Variants in ATG4B observed in about 807,000 individuals in gnomAD.
ATG4B encodes cysteine protease ATG4B.
Under a neutral mutation model 56.6 loss-of-function variants are expected in ATG4B, and 29 were observed. The ratio of observed to expected loss-of-function variants is 0.51; its 90% CI spans 0.38 to 0.70. The LOEUF is 0.70. Among genes scored for constraint, ATG4B ranks in the 30% least tolerant of loss-of-function variants. ATG4B has a pLI of 0.00. For synonymous variants in ATG4B, 224 were observed against 206.1 expected, an observed-to-expected ratio of 1.09 and a Z score of -0.74; for missense variants, 461 against 515.5, an observed-to-expected ratio of 0.89 and a Z score of 1.02.
chr2:241,641,266 G>A (rs2067877997), intron 1 of ATG4B, among the ~76,000 whole-genome samples: 1 of 152,228 alleles, frequency 6.6e-6, no homozygotes, highest in African/African-American at 2.4e-5. Flanking sequence ...CTCAGATGGA[G>A]GGGGGCGGGC....
intron 12 of ATG4B, 133 bp from the exon 13 acceptor site, chr2:241,672,058 A>C: frequency 6.9e-7 from 1 of 1,447,000 alleles, no homozygotes. Context: ...GGACCTGTTC[A>C]CACCCGCATG....
intron 12 of ATG4B, 175 bp from the exon 13 acceptor site, chr2:241,672,016 T>TC: frequency 7.1e-7 from 1 of 1,403,630 alleles, no homozygotes; most frequent in South Asian, 1.6e-5. Flanking sequence ...CTCTGCTCCC[T>TC]CCCCCCATAT....
At chr2:241,655,422 G>GAA in intron 6 of ATG4B, 79 bp downstream of exon 6, 1 of 1,423,846 alleles carries the variant, frequency 7.0e-7, no homozygotes, top group Non-Finnish European at 9.7e-7. Context: ...GAGTCTTCAT[G>GAA]GCTACAGGAA....
chr2:241,665,500 C>T (rs1416281618), intron 7 of ATG4B, among the ~76,000 whole-genome samples: 1 of 152,200 alleles, frequency 6.6e-6, no homozygotes, highest in Non-Finnish European at 1.5e-5. Flanking sequence ...GTGGTTGTTG[C>T]TGCTTTGTGG....
chr2:241,654,543 T>C lies in ATG4B; in HGVS notation c.284-3T>C. ...AGCTGACCTGTAATTTTTTTTCCAA[T>C]AGATTGGAGGTGGACACAAAGGAAG... On this transcript the variant is annotated splice_region_variant and splice_polypyrimidine_tract_variant and intron_variant, in intron 4 of 12. Coordinates refer to ENST00000404914, the MANE Select transcript of ATG4B (RefSeq NM_013325.5). 10 of 1,583,944 alleles carry C rather than the reference T, an allele frequency of 6.3e-6. No homozygotes were observed. Among genetic ancestry groups the C allele is most frequent in the Non-Finnish European group, 7.7e-6 (9 of 1,164,898 alleles).
At chr2:241,654,697 G>T in intron 5 of ATG4B, 50 bp downstream of exon 5, 1 of 1,482,338 alleles carries the variant, frequency 6.7e-7, no homozygotes, top group South Asian at 1.2e-5. Flanking sequence ...TCTGGAGAGG[G>T]TGGAGTGGTC....
chr2:241,668,797 A>T lies in ATG4B; in HGVS notation c.957+112A>T. 6.9e-7 allele frequency: 1 copy of T among 1,441,654 alleles called. No homozygotes were observed. Among genetic ancestry groups the T allele is most frequent in the Non-Finnish European group, 9.3e-7 (1 of 1,079,244 alleles). The allele number at this position is 1,441,654 out of a possible 1,614,324, so 89.3% of individuals were successfully genotyped here. On this transcript the variant is annotated intron_variant, in intron 10 of 12. Transcript: ENST00000404914. This position sits in a 1 kb window ranked among gnomAD's most constrained non-coding sequence, Gnocchi z 4.2. ...TTTTTTTCAGCATGTTGGGATAAGT[A>T]CTGTGTTCACGTGGTTGGGAATCTG...
At chr2:241,649,344 G>A (rs2068161056) in intron 1 of ATG4B, among the ~76,000 whole-genome samples, 1 of 152,244 alleles carries the variant, frequency 6.6e-6, no homozygotes, top group Admixed American at 6.5e-5. Flanking sequence ...GAGGCTTCAC[G>A]TGATTTGTGT....
chr2:241,653,490 C>T lies in ATG4B; in HGVS notation c.185-22C>T, dbSNP rs961904351. The T allele has an allele frequency of 1.0e-5, 16 of 1,561,650 alleles. No homozygotes were observed. The African/African-American group carries it at 1.5e-4, about 15-fold the overall frequency. ...TGGGGCCATCTGGCCATGAGCACTT[C>T]TCTCTCTGTCTGCCACGACAGGGGG... On this transcript the variant is annotated intron_variant, in intron 3 of 12. Transcript: ENST00000404914.
Position 241,655,308 on chromosome 2 carries a change from G to C in ATG4B, c.423G>C (p.Gln141His). The C allele has an allele frequency of 3.7e-6, 6 of 1,612,172 alleles. No homozygotes were observed. The highest frequency in any genetic ancestry group is 4.2e-6 in the Non-Finnish European group (5 of 1,179,128). Residue 141 changes from glutamine (Q) to histidine (H), a missense_variant, in exon 6 of 13, where the codon CAG becomes CAC. By Grantham distance (24) the Gln-to-His change is conservative. Coordinates refer to ENST00000404914, the MANE Select transcript of ATG4B (RefSeq NM_013325.5). ...TTGGCGAAGGCAAGTCCATAGGCCA[G>C]TGGTACGGGCCCAACACTGTCGCCC... ...MGVGEGKSIG[Q>H]WYGPNTVAQV...
chr2:241,673,158 G>A lies in ATG4B; in HGVS notation c.*894G>A, dbSNP rs1443909401. Reference sequence around the variant, plus strand: ...GAGAATTGCCCTCCCATGCCGCTGAGGTGTTAGGTGGTTTAGGGCCAAAAG... The same window carrying A: ...GAGAATTGCCCTCCCATGCCGCTGAAGTGTTAGGTGGTTTAGGGCCAAAAG... On this transcript the variant is annotated 3_prime_UTR_variant, in exon 13 of 13. Coordinates refer to ENST00000404914, the MANE Select transcript of ATG4B (RefSeq NM_013325.5). 1 of 204,936 alleles carries A rather than the reference G, an allele frequency of 4.9e-6. No homozygotes were observed. 12.7% of individuals were successfully genotyped at this position (204,936 alleles called of 1,614,324 possible). A position where few individuals can be genotyped will look rare whatever the true frequency, so the allele number is the denominator to read the frequency against.
intron 10 of ATG4B, among the ~76,000 whole-genome samples, chr2:241,669,011 A>G (rs1365006154): frequency 6.6e-6 from 1 of 150,588 alleles, no homozygotes; most frequent in Non-Finnish European, 1.5e-5. Flanking sequence ...TCACACCTAC[A>G]TTTAAACACA....
intron 1 of ATG4B, among the ~76,000 whole-genome samples, chr2:241,641,265 A>G (rs535131340): frequency 1.3e-5 from 2 of 152,244 alleles, no homozygotes; most frequent in East Asian, 3.9e-4. Flanking sequence ...ACTCAGATGG[A>G]GGGGGGCGGG....
intron 10 of ATG4B, among the ~76,000 whole-genome samples, chr2:241,669,415 C>T (rs2125148569): frequency 6.6e-6 from 1 of 152,358 alleles, no homozygotes; most frequent in South Asian, 2.1e-4. Flanking sequence ...AGCTGTGGCG[C>T]AGCCCCAGAG....
At chr2:241,640,480 A>G (rs2067849697) in intron 1 of ATG4B, among the ~76,000 whole-genome samples, 1 of 152,242 alleles carries the variant, frequency 6.6e-6, no homozygotes, top group Non-Finnish European at 1.5e-5. Flanking sequence ...CATTAATTCA[A>G]TACACTGTTT....
intron 1 of ATG4B, among the ~76,000 whole-genome samples, chr2:241,639,562 A>G (rs1352996315): frequency 1.3e-5 from 2 of 152,156 alleles, no homozygotes; most frequent in Non-Finnish European, 2.9e-5. Flanking sequence ...AAGAAGAATG[A>G]GACTACACTT....
chr2:241,639,583 A>G (rs560067993), intron 1 of ATG4B, among the ~76,000 whole-genome samples: 2 of 152,300 alleles, frequency 1.3e-5, no homozygotes, highest in East Asian at 3.9e-4. Flanking sequence ...AACACTGACA[A>G]TCGAAGGGTG....
Position 241,672,292 on chromosome 2 carries a change from TGAGA to T in ATG4B, c.*30_*33del, listed in dbSNP as rs1308332688. Reference sequence around the variant, plus strand: ...ATCCTGGGGTCGGGGGTGGCACCTGTGAGAGCCTGGGGCTCCTGGTGCCGCTGCG... The same window carrying T: ...ATCCTGGGGTCGGGGGTGGCACCTGTGCCTGGGGCTCCTGGTGCCGCTGCG... On this transcript the variant is annotated 3_prime_UTR_variant, in exon 13 of 13. Transcript: ENST00000404914. 1.9e-6 allele frequency: 3 copies of T among 1,539,062 alleles called. No individual in the cohort carries two copies. In the Admixed American group the frequency reaches 5.8e-5, roughly 30 times the overall value.
rs150425346 is a variant in ATG4B, at chr2:241,659,530, C to T, written c.538+343C>T. 2.6e-3 allele frequency: 974 copies of T among 371,450 alleles called. 12 individuals carry two copies. Among genetic ancestry groups the T allele is most frequent in the African/African-American group, 0.019 (898 of 47,434 alleles). 23.0% of individuals were successfully genotyped at this position (371,450 alleles called of 1,614,324 possible). ...AAGTTATTTTGCGTGCCTTGATGTG[C>T]GACAGAGAGATGTAGCAACCATCTC... On this transcript the variant is annotated intron_variant, in intron 7 of 12. Transcript: ENST00000404914.
Sources: allele counts gnomAD v4.1 joint callset (sites outside exome capture counted in the v4.1 genomes callset), GRCh38; gene constraint gnomAD v4.1.1; non-coding constraint Gnocchi (gnomAD v3.1); transcripts MANE v1.5; gene names NCBI Gene and HGNC (gene_info 2026-07-23, HGNC 2026-07-21).